Variants in DGLUCY observed in about 807,000 individuals in gnomAD.
DGLUCY encodes the protein D-glutamate cyclase, mitochondrial.
A neutral mutation model predicts 58.5 loss-of-function variants in DGLUCY; 58 were observed. The ratio of observed to expected loss-of-function variants is 0.99; its 90% CI spans 0.80 to 1.23. The LOEUF (loss-of-function observed/expected upper bound fraction) is 1.23, where lower values mean the gene tolerates loss of function less well. DGLUCY is among the 50% of genes most tolerant of loss of function. The pLI is 0.00. For synonymous variants in DGLUCY, 325 were observed against 314.1 expected (o/e 1.03, Z -0.37); for missense variants, 779 against 784.7 (o/e 0.99, Z 0.09).
chr14:91,060,356 T>G (rs1426419277), exon 1 of DGLUCY: 1 of 1,480,148 alleles, frequency 6.8e-7, no homozygotes, highest in Non-Finnish European at 9.0e-7. Flanking sequence ...TGCTTGACAG[T>G]GAGGAGCTGC....
chr14:91,205,939 A>C (rs1415633377), intron 12 of DGLUCY, among the ~76,000 whole-genome samples: 1 of 145,378 alleles, frequency 6.9e-6, no homozygotes, highest in African/African-American at 2.6e-5. Context: ...TCCCGGGTTA[A>C]AGCGATTCTC....
At chr14:91,205,017 T>C (rs1397899417) in intron 12 of DGLUCY, 192 bp downstream of exon 12, 1 of 739,670 alleles carries the variant, frequency 1.4e-6, no homozygotes, top group African/African-American at 1.8e-5. Flanking sequence ...TGCCAGGCAG[T>C]GTTCTGAGCA....
chr14:91,160,035 G>A (rs543800982), intron 2 of DGLUCY, among the ~76,000 whole-genome samples: 30 of 152,192 alleles, frequency 2.0e-4, no homozygotes, highest in Non-Finnish European at 3.5e-4. Flanking sequence ...GAAGGGGGAC[G>A]TTCCAGGCCA....
intron 13 of DGLUCY, chr14:91,215,916 C>T (rs757152141): frequency 6.7e-6 from 3 of 446,306 alleles, no homozygotes; most frequent in Non-Finnish European, 1.1e-5. Context: ...TAGTGGTGGG[C>T]AGGTGTCCTG....
chr14:91,176,169 C>T, intron 7 of DGLUCY, 113 bp downstream of exon 7: 3 of 1,277,380 alleles, frequency 2.3e-6, no homozygotes, highest in South Asian at 1.6e-5. Flanking sequence ...AGCCATGAAA[C>T]AAAACACAAA....
At chr14:91,115,721 TA>T (rs1471468161) in intron 1 of DGLUCY, among the ~76,000 whole-genome samples, 2 of 152,212 alleles carry the variant, frequency 1.3e-5, no homozygotes, top group Non-Finnish European at 2.9e-5. Context: ...GGAAGCATCT[TA>T]AAAGAGTCAG....
chr14:91,145,933 C>T (rs574868578), intron 1 of DGLUCY, among the ~76,000 whole-genome samples: 1 of 152,056 alleles, frequency 6.6e-6, no homozygotes, highest in Non-Finnish European at 1.5e-5. Context: ...GGCTGGAGTG[C>T]GGTGACGTGA....
intron 1 of DGLUCY, among the ~76,000 whole-genome samples, chr14:91,140,631 A>G (rs968301802): frequency 7.2e-5 from 11 of 152,338 alleles, no homozygotes; most frequent in South Asian, 4.1e-4. Flanking sequence ...AGATCACGCC[A>G]TTGCACTCCA....
chr14:91,155,270 G>A (rs150370813), intron 1 of DGLUCY, among the ~76,000 whole-genome samples: 15 of 152,214 alleles, frequency 9.9e-5, no homozygotes, highest in East Asian at 1.9e-4. Context: ...TTTTTGGCAC[G>A]GGGCCCAGAG....
At chr14:91,144,014 T>G (rs1347522732) in intron 1 of DGLUCY, among the ~76,000 whole-genome samples, 1 of 151,926 alleles carries the variant, frequency 6.6e-6, no homozygotes, top group Non-Finnish European at 1.5e-5. Context: ...CTGTGTAAGA[T>G]CTCCTCTTCC....
chr14:91,087,096 G>A (rs1462166440), intron 1 of DGLUCY, among the ~76,000 whole-genome samples: 1 of 152,162 alleles, frequency 6.6e-6, no homozygotes, highest in African/African-American at 2.4e-5. Context: ...GAGTCTAGAA[G>A]TTTGCCACAA....
chr14:91,173,212 C>T, intron 5 of DGLUCY, 77 bp from the exon 6 acceptor site: 1 of 1,533,764 alleles, frequency 6.5e-7, no homozygotes, highest in South Asian at 1.1e-5. Context: ...GCCTTGAACT[C>T]TTGGTGCTCA....
chr14:91,188,983 C>T lies in DGLUCY; in HGVS notation c.1008C>T (p.Arg336=). The change falls in exon 9 of 14, where the codon CGC becomes CGT. Residue 336 remains arginine, a synonymous_variant. Coordinates refer to ENST00000256324, the MANE Select transcript of DGLUCY (RefSeq NM_001102368.3). The part of the protein sequence containing the change: ...LKASLSLSHA[R]SVLITTGFPT... ...CCTCTCTCTCGCTGTCCCATGCCCG[C>T]TCAGTGCTCATCACCACTGGGTTCC... The T allele has an allele frequency of 6.2e-7, 1 of 1,614,184 alleles. No individual in the cohort carries two copies. Among genetic ancestry groups the T allele is most frequent in the Non-Finnish European group, 8.5e-7 (1 of 1,180,036 alleles).
intron 1 of DGLUCY, among the ~76,000 whole-genome samples, chr14:91,127,805 G>A (rs755553416): frequency 6.6e-6 from 1 of 152,202 alleles, no homozygotes; most frequent in Non-Finnish European, 1.5e-5. Context: ...AGAAACTCAT[G>A]GCTTTCTTTT....
chr14:91,161,313 G>A lies in DGLUCY; in HGVS notation c.103+916G>A, dbSNP rs188170786. ...TCTCCATCTCCTGACCTCGTGATCC[G>A]CTCACCTTGGCCTCCCAAAGTGCTG... On this transcript the variant is annotated intron_variant, in intron 3 of 13. Transcript: ENST00000256324. Among the ~76,000 whole-genome samples, 762 of 152,292 alleles carry A rather than the reference G, an allele frequency of 5.0e-3. 5 individuals carry two copies. The highest frequency in any genetic ancestry group is 0.014 in the Middle Eastern group (4 of 294).
intron 1 of DGLUCY, among the ~76,000 whole-genome samples, chr14:91,129,692 G>T (rs2045925627): frequency 6.6e-6 from 1 of 151,712 alleles, no homozygotes; most frequent in Non-Finnish European, 1.5e-5. Context: ...TGTTGCCCAG[G>T]CTGGAGTGCA....
chr14:91,127,964 T>C (rs1595703450), intron 1 of DGLUCY, among the ~76,000 whole-genome samples: 3 of 150,662 alleles, frequency 2.0e-5, no homozygotes, highest in African/African-American at 2.4e-5. Context: ...TCCAGCCTCA[T>C]TGAGCATGTG....
At chr14:91,143,979 G>A (rs1033302465) in intron 1 of DGLUCY, among the ~76,000 whole-genome samples, 4 of 152,078 alleles carry the variant, frequency 2.6e-5, no homozygotes, top group African/African-American at 4.8e-5. Context: ...ACCGCGAAGG[G>A]CCACCGCTCT....
intron 7 of DGLUCY, 60 bp from the exon 8 acceptor site, chr14:91,181,126 T>TGAG: frequency 6.5e-7 from 1 of 1,529,764 alleles, no homozygotes; most frequent in Non-Finnish European, 9.0e-7. Flanking sequence ...GTGGGCTAGA[T>TGAG]GAGGGTAGGC....
Sources: gnomAD v4.1 joint callset for allele counts (sites outside exome capture counted in the v4.1 genomes callset) on GRCh38, gnomAD v4.1.1 for gene constraint, MANE v1.5 for transcripts, NCBI Gene and HGNC (gene_info 2026-07-23, HGNC 2026-07-21) for gene names.